NBEA: variants seen among roughly 807,000 people sequenced by gnomAD.
NBEA encodes lysosomal-trafficking regulator 2.
A neutral mutation model predicts 343.4 loss-of-function variants in NBEA; 44 were observed. The observed-to-expected ratio is 0.13, with a 90% confidence interval of 0.10 to 0.16. The LOEUF (loss-of-function observed/expected upper bound fraction) is 0.16. Ranked by LOEUF, NBEA falls within the 10% of genes least tolerant of loss-of-function variation. The probability of loss-of-function intolerance (pLI) is 1.00; values close to 1 mark genes in which losing one functional copy is unlikely to be tolerated. For missense variants in NBEA, 2,555 were observed against 3,631.3 expected (o/e 0.70, Z 7.62); for synonymous variants, 1,175 against 1,238.7 (o/e 0.95, Z 1.08).
Position 35,438,116 on chromosome 13 carries a change from A to G in NBEA, c.6304+5723A>G, listed in dbSNP as rs76258043. Among the ~76,000 whole-genome samples the G allele has an allele frequency of 1.0e-4, 15 of 144,746 alleles. No individual in the cohort carries two copies. In the East Asian group the frequency reaches 1.9e-3, roughly 19 times the overall value. The allele number at this position is 144,746 out of a possible 152,430, so 95.0% of individuals were successfully genotyped here. On this transcript the variant is annotated intron_variant, in intron 39 of 58. Transcript: ENST00000379939. The stretch of plus-strand genomic sequence containing the variant: ...GAGAGCAGACTGCTTCAGCCTGAGG[A>G]AAAAAAAAACATGGAGCAAAAATGA...
chr13:35,668,461 T>C lies in NBEA; in HGVS notation c.8755T>C (p.Tyr2919His), dbSNP rs2085458726. Residue 2919 changes from tyrosine to histidine, a missense_variant, in exon 58 of 59, where the codon TAC (tyrosine) becomes CAC (histidine). Tyr to His is a moderately conservative substitution (Grantham distance 83). This residue lies in a region of NBEA where 186 missense variants were observed against 328.9 expected (regional missense o/e 0.57). Transcript: ENST00000379939. The stretch of plus-strand genomic sequence containing the variant: ...GCAGGCCTGTGACTTCAAGCAACTG[T>C]ACATTTACCCTGGATGTGATGCTGG... ...VWQACDFKQLYIYPGCDAGIR... is the reference protein window; with the variant it reads ...VWQACDFKQLHIYPGCDAGIR... 6.2e-7 allele frequency: 1 copy of C among 1,613,242 alleles called. No homozygotes were observed. Among genetic ancestry groups the C allele is most frequent in the Non-Finnish European group, 8.5e-7 (1 of 1,179,642 alleles).
chr13:35,601,312 G>C (rs1359259809), intron 47 of NBEA, among the ~76,000 whole-genome samples: 2 of 152,054 alleles, frequency 1.3e-5, no homozygotes, highest in African/African-American at 4.8e-5. Flanking sequence ...AAATATTTAT[G>C]GATTACATAT....
intron 39 of NBEA, among the ~76,000 whole-genome samples, chr13:35,450,813 T>TC (rs1407871206): frequency 6.6e-6 from 1 of 152,228 alleles, no homozygotes; most frequent in Non-Finnish European, 1.5e-5. Flanking sequence ...GACAATGCTT[T>TC]CTTCTAAATT....
chr13:35,065,494 T>G (rs2063618579), intron 8 of NBEA, among the ~76,000 whole-genome samples: 1 of 152,096 alleles, frequency 6.6e-6, no homozygotes. Context: ...AGTTTGCATC[T>G]TTTCATATTT....
intron 8 of NBEA, among the ~76,000 whole-genome samples, chr13:35,067,948 G>C (rs1034538517): frequency 1.3e-5 from 2 of 151,938 alleles, no homozygotes; most frequent in African/African-American, 4.8e-5. Flanking sequence ...GTGTTGTCCA[G>C]GCTGATCTCA....
In NBEA at chr13:35,182,536, A is replaced by G. The variant is rs760942316; in HGVS notation, c.4831+8A>G. On this transcript the variant is annotated splice_region_variant and intron_variant, in intron 29 of 58. Transcript: ENST00000379939. ...ATTCACCAACAAGTACAGGTACTTAACATTGTATAATTATTTGAATTTTCA... is the reference window on the plus strand; with the variant it reads ...ATTCACCAACAAGTACAGGTACTTAGCATTGTATAATTATTTGAATTTTCA... 15 of 1,597,640 alleles carry G rather than the reference A, an allele frequency of 9.4e-6. No homozygotes were observed. In the South Asian group the frequency reaches 1.6e-4, roughly 17 times the overall value.
chr13:35,354,281 A>G (rs2152867279), intron 38 of NBEA, among the ~76,000 whole-genome samples: 1 of 152,308 alleles, frequency 6.6e-6, no homozygotes, highest in South Asian at 2.1e-4. Flanking sequence ...AATTGGGTTT[A>G]TCTATTAATA....
intron 13 of NBEA, among the ~76,000 whole-genome samples, chr13:35,113,195 A>G (rs1344313112): frequency 1.3e-5 from 2 of 152,122 alleles, no homozygotes; most frequent in Admixed American, 6.5e-5. Flanking sequence ...CTGTTTGTTC[A>G]TGATGATTCA....
chr13:35,636,424 T>C (rs1239440379), intron 49 of NBEA, among the ~76,000 whole-genome samples: 1 of 152,248 alleles, frequency 6.6e-6, no homozygotes, highest in Non-Finnish European at 1.5e-5. Context: ...TTTAGTATAC[T>C]AAAAGTATAT....
chr13:35,399,806 G>A (rs775332834), intron 38 of NBEA, among the ~76,000 whole-genome samples: 3 of 152,032 alleles, frequency 2.0e-5, no homozygotes, highest in Admixed American at 6.6e-5. Context: ...AGTCAAAGAC[G>A]TGAGCCTCTT....
At chr13:35,617,578 T>G (rs1257611417) in intron 48 of NBEA, among the ~76,000 whole-genome samples, 1 of 152,236 alleles carries the variant, frequency 6.6e-6, no homozygotes, top group African/African-American at 2.4e-5. Context: ...CCCACACTGC[T>G]GCCTCTGAGA....
At chr13:35,325,715 A>G (rs969845422) in intron 36 of NBEA, among the ~76,000 whole-genome samples, 3 of 152,174 alleles carry the variant, frequency 2.0e-5, no homozygotes, top group Middle Eastern at 3.4e-3. Flanking sequence ...GATTTATCAT[A>G]AATTTTTTCC....
At chr13:35,475,990 G>A (rs2075844658) in intron 41 of NBEA, 3 of 1,614,010 alleles carry the variant, frequency 1.9e-6, no homozygotes, top group Non-Finnish European at 2.5e-6. Context: ...GATGAACCGC[G>A]GCTCCTGCAC....
chr13:35,114,190 G>A (rs2066380637), intron 13 of NBEA, among the ~76,000 whole-genome samples: 1 of 152,028 alleles, frequency 6.6e-6, no homozygotes, highest in Admixed American at 6.6e-5. Flanking sequence ...AGGAAATGAT[G>A]TTTATATCTA....
intron 17 of NBEA, among the ~76,000 whole-genome samples, 168 bp from the exon 18 acceptor site, chr13:35,142,101 A>T (rs913772578): frequency 1.1e-4 from 17 of 152,258 alleles, no homozygotes; most frequent in African/African-American, 3.6e-4. Flanking sequence ...TTGGAACTTT[A>T]GGATACAGTT....
chr13:35,478,022 G>A (rs897073918), intron 41 of NBEA, among the ~76,000 whole-genome samples: 1 of 152,066 alleles, frequency 6.6e-6, no homozygotes, highest in East Asian at 1.9e-4. Flanking sequence ...TAGATGCCAC[G>A]TCTTTCCAAT....
intron 40 of NBEA, among the ~76,000 whole-genome samples, chr13:35,466,386 G>A (rs935738400): frequency 2.8e-4 from 42 of 152,164 alleles, no homozygotes; most frequent in African/African-American, 9.9e-4. Flanking sequence ...AATATGTTGG[G>A]GAGGAAGTAG....
At chr13:35,537,411 G>C (rs1419395769) in intron 41 of NBEA, among the ~76,000 whole-genome samples, 1 of 151,892 alleles carries the variant, frequency 6.6e-6, no homozygotes, top group Admixed American at 6.6e-5. Flanking sequence ...TTTTTACTGA[G>C]TTTCGACAAC....
rs531202917 is a variant in NBEA, at chr13:35,058,305, C to A, written c.1093-412C>A. On this transcript the variant is annotated intron_variant, in intron 7 of 58. Transcript: ENST00000379939. ...AATAAAGTAGAATAAAAAAATTAGA[C>A]CCTATGTGTTCATGATTAAATTTTG... is the stretch of plus-strand genomic sequence containing the variant. Among the ~76,000 whole-genome samples the A allele has an allele frequency of 1.1e-4, 16 of 152,152 alleles. No homozygotes were observed. The East Asian group carries it at 2.7e-3, about 26-fold the overall frequency.
Sources: allele counts gnomAD v4.1 joint callset (sites outside exome capture counted in the v4.1 genomes callset), GRCh38; gene constraint gnomAD v4.1.1; regional missense constraint gnomAD v4.1.1; transcripts MANE v1.5; gene names NCBI Gene and HGNC (gene_info 2026-07-23, HGNC 2026-07-21).